Variants in RPS6KC1 observed in about 807,000 individuals in gnomAD.
RPS6KC1 encodes the protein ribosomal protein S6 kinase C1.
Under a neutral mutation model 103.8 loss-of-function variants are expected in RPS6KC1, and 54 were observed. The observed-to-expected ratio is 0.52, with a 90% CI of 0.42 to 0.65. The LOEUF (loss-of-function observed/expected upper bound fraction) is 0.65. Among genes scored for constraint, RPS6KC1 ranks in the 30% least tolerant of loss-of-function variants. The pLI, the probability that RPS6KC1 is intolerant of heterozygous loss-of-function variation, is 0.00. For missense variants in RPS6KC1, 1,151 were observed against 1,253.8 expected (o/e 0.92, Z 1.24); for synonymous variants, 439 against 438.7 (o/e 1.00, Z -0.01).
the RPS6KC1 span, among the ~76,000 whole-genome samples, chr1:213,405,396 C>G: frequency 6.6e-6 from 1 of 152,194 alleles, no homozygotes; most frequent in Non-Finnish European, 1.5e-5. Context: ...TGCTTATTGT[C>G]CATGGCAGGG....
At chr1:213,261,048 A>G (rs183073781) in intron 12 of RPS6KC1, among the ~76,000 whole-genome samples, 1 of 152,236 alleles carries the variant, frequency 6.6e-6, no homozygotes, top group African/African-American at 2.4e-5. Context: ...GAAAGGGAAG[A>G]TGATACTATA....
the RPS6KC1 span, among the ~76,000 whole-genome samples, chr1:213,557,569 TC>T: frequency 6.6e-6 from 1 of 152,230 alleles, no homozygotes; most frequent in Admixed American, 6.5e-5. Flanking sequence ...AAACTGGCCT[TC>T]TAGGTTGATT....
At chr1:213,306,992 A>G in the RPS6KC1 span, among the ~76,000 whole-genome samples, 1 of 152,032 alleles carries the variant, frequency 6.6e-6, no homozygotes, top group Non-Finnish European at 1.5e-5. Context: ...AGTTGGTGCC[A>G]GATCTAAGTA....
At chr1:213,766,775 C>T in the RPS6KC1 span, among the ~76,000 whole-genome samples, 12 of 152,090 alleles carry the variant, frequency 7.9e-5, no homozygotes, top group African/African-American at 2.9e-4. Flanking sequence ...CCTTTTCTCA[C>T]CCCTAACTGG....
chr1:213,672,762 C>G, the RPS6KC1 span, among the ~76,000 whole-genome samples: 1 of 152,156 alleles, frequency 6.6e-6, no homozygotes, highest in Non-Finnish European at 1.5e-5. Flanking sequence ...CTTGCATAAC[C>G]AACAGTGGGC....
chr1:213,251,576 C>G (rs1573608297), intron 12 of RPS6KC1, among the ~76,000 whole-genome samples: 1 of 152,138 alleles, frequency 6.6e-6, no homozygotes, highest in Admixed American at 6.5e-5. Context: ...TGACTGGCTT[C>G]CACTCTCACC....
intron 3 of RPS6KC1, 47 bp downstream of exon 3, chr1:213,077,863 G>T: frequency 1.7e-6 from 2 of 1,145,468 alleles, no homozygotes; most frequent in Admixed American, 2.7e-5. Context: ...AATTAATTTT[G>T]TATATATACT....
the RPS6KC1 span, among the ~76,000 whole-genome samples, chr1:213,354,972 C>T: frequency 1.3e-5 from 2 of 152,188 alleles, no homozygotes; most frequent in African/African-American, 4.8e-5. Flanking sequence ...AATCCCAGCA[C>T]TTTGGGAGGC....
chr1:213,136,976 A>G (rs1388393019), intron 6 of RPS6KC1, among the ~76,000 whole-genome samples: 1 of 152,120 alleles, frequency 6.6e-6, no homozygotes, highest in Non-Finnish European at 1.5e-5. Flanking sequence ...CTTCAGTGTG[A>G]GCCATGGCAC....
chr1:213,471,368 C>A, the RPS6KC1 span, among the ~76,000 whole-genome samples: 1 of 152,042 alleles, frequency 6.6e-6, no homozygotes, highest in African/African-American at 2.4e-5. Flanking sequence ...GATTTAAATC[C>A]AGAATCCCAA....
chr1:213,078,339 A>G (rs1337524502), intron 3 of RPS6KC1, among the ~76,000 whole-genome samples: 1 of 150,148 alleles, frequency 6.7e-6, no homozygotes, highest in Non-Finnish European at 1.5e-5. Flanking sequence ...CCCTGTCTGG[A>G]TTTTGACTGG....
the RPS6KC1 span, among the ~76,000 whole-genome samples, chr1:213,601,422 T>G: frequency 6.8e-6 from 1 of 148,002 alleles, no homozygotes; most frequent in Non-Finnish European, 1.5e-5. Context: ...TTGCATATAT[T>G]TATATATTCA....
At chr1:213,312,332 T>C in the RPS6KC1 span, among the ~76,000 whole-genome samples, 1 of 152,180 alleles carries the variant, frequency 6.6e-6, no homozygotes, top group Non-Finnish European at 1.5e-5. Context: ...GAAAATGACT[T>C]GAGGTGACCT....
chr1:213,595,852 G>A, the RPS6KC1 span, among the ~76,000 whole-genome samples: 8 of 152,208 alleles, frequency 5.3e-5, no homozygotes, highest in Non-Finnish European at 7.3e-5. Context: ...GAAACTATGT[G>A]AGCCTTAGCC....
chr1:213,166,108 C>T (rs1369806943), intron 6 of RPS6KC1, among the ~76,000 whole-genome samples: 2 of 151,370 alleles, frequency 1.3e-5, no homozygotes, highest in Non-Finnish European at 1.5e-5. Context: ...ATTTCGAATT[C>T]CAAATTATTT....
At chr1:213,845,593 C>T in the RPS6KC1 span, among the ~76,000 whole-genome samples, 4 of 152,152 alleles carry the variant, frequency 2.6e-5, no homozygotes, top group South Asian at 4.1e-4. Context: ...TACTATGTAA[C>T]ATTTTGGGGG....
At chr1:213,317,532 C>G in the RPS6KC1 span, among the ~76,000 whole-genome samples, 2 of 152,178 alleles carry the variant, frequency 1.3e-5, no homozygotes, top group Non-Finnish European at 2.9e-5. Context: ...TGACCTTAAC[C>G]TTCATCACTT....
At chr1:213,356,735 AC>A in the RPS6KC1 span, among the ~76,000 whole-genome samples, 1 of 152,162 alleles carries the variant, frequency 6.6e-6, no homozygotes, top group Non-Finnish European at 1.5e-5. Flanking sequence ...CTTCATCACT[AC>A]ACCGGAAGCT....
the RPS6KC1 span, among the ~76,000 whole-genome samples, chr1:213,800,626 A>C: frequency 3.9e-5 from 6 of 152,316 alleles, no homozygotes; most frequent in South Asian, 1.0e-3. Context: ...AGTAAAGAAC[A>C]ATTCTCCTTA....
Sources: allele counts gnomAD v4.1 joint callset (sites outside exome capture counted in the v4.1 genomes callset), GRCh38; gene constraint gnomAD v4.1.1; transcripts MANE v1.5; gene names NCBI Gene and HGNC (gene_info 2026-07-23, HGNC 2026-07-21).